The following ARL15 variants were observed in gnomAD, a reference collection of about 807,000 sequenced individuals.
The protein encoded by ARL15 is ADP-ribosylation factor-like protein 15.
A neutral mutation model predicts 25.2 loss-of-function variants in ARL15; 19 were observed. The ratio of observed to expected loss-of-function variants is 0.75; its 90% confidence interval spans 0.53 to 1.10. The LOEUF is 1.10. Ranked by LOEUF, ARL15 falls within the 50% of genes least tolerant of loss-of-function variation. The pLI, the probability that ARL15 is intolerant of heterozygous loss-of-function variation, is 0.00. For synonymous variants in ARL15, 94 were observed against 86.8 expected (o/e 1.08, Z -0.46); for missense variants, 220 against 246.0 (o/e 0.89, Z 0.71).
At chr5:54,184,989 A>G (rs1755195670) in intron 1 of ARL15, among the ~76,000 whole-genome samples, 1 of 152,190 alleles carries the variant, frequency 6.6e-6, no homozygotes, top group Non-Finnish European at 1.5e-5. Context: ...CTGTCAGGAT[A>G]AAGTACAGAC....
intron 2 of ARL15, among the ~76,000 whole-genome samples, chr5:54,164,651 T>C (rs1315613786): frequency 6.6e-6 from 1 of 152,092 alleles, no homozygotes; most frequent in Non-Finnish European, 1.5e-5. Flanking sequence ...GAAATCTACA[T>C]TGTCTAATAT....
At chr5:53,890,539 C>T (rs1177073552) in intron 4 of ARL15, among the ~76,000 whole-genome samples, 6 of 152,174 alleles carry the variant, frequency 3.9e-5, no homozygotes, top group African/African-American at 7.2e-5. Flanking sequence ...CCTTTGGAGA[C>T]GGCACTTGGG....
chr5:54,163,963 AAGGTGGAAGCTG>A (rs2112377867), intron 2 of ARL15, among the ~76,000 whole-genome samples: 1 of 152,014 alleles, frequency 6.6e-6, no homozygotes, highest in South Asian at 2.1e-4. Context: ...CCAGTTCCCT[AAGGTGGAAGCTG>A]AGGTCATTGA....
intron 4 of ARL15, among the ~76,000 whole-genome samples, chr5:54,068,738 T>A (rs897465332): frequency 1.3e-5 from 2 of 152,212 alleles, no homozygotes; most frequent in Non-Finnish European, 2.9e-5. Flanking sequence ...GGTCATGCCA[T>A]CTCAATGTAA....
chr5:53,953,981 A>C (rs1006507498), intron 4 of ARL15, among the ~76,000 whole-genome samples: 7 of 152,104 alleles, frequency 4.6e-5, no homozygotes, highest in African/African-American at 1.2e-4. Flanking sequence ...CATATGGTAT[A>C]AGAATAGCAT....
intron 1 of ARL15, among the ~76,000 whole-genome samples, chr5:54,240,746 C>T (rs1431147891): frequency 6.7e-6 from 1 of 149,890 alleles, no homozygotes; most frequent in Non-Finnish European, 1.5e-5. Flanking sequence ...ATCCCTAATC[C>T]GAAATCCACA....
chr5:54,038,119 A>G (rs1185170645), intron 4 of ARL15, among the ~76,000 whole-genome samples: 1 of 152,182 alleles, frequency 6.6e-6, no homozygotes, highest in Non-Finnish European at 1.5e-5. Context: ...ATAGCAACAT[A>G]TATTTTAATG....
At chr5:53,963,462 A>T (rs562788079) in intron 4 of ARL15, among the ~76,000 whole-genome samples, 17 of 152,292 alleles carry the variant, frequency 1.1e-4, no homozygotes, top group Non-Finnish European at 2.2e-4. Flanking sequence ...TGAATTTCAT[A>T]AAAAATAAAT....
chr5:54,191,045 T>C (rs547648789), intron 1 of ARL15, among the ~76,000 whole-genome samples: 11 of 152,274 alleles, frequency 7.2e-5, no homozygotes, highest in African/African-American at 2.4e-4. Context: ...AGCTAAAGCA[T>C]AGAAGTACCC....
At chr5:54,274,465 T>C (rs183329069) in intron 1 of ARL15, among the ~76,000 whole-genome samples, 3 of 152,226 alleles carry the variant, frequency 2.0e-5, no homozygotes, top group South Asian at 2.1e-4. Flanking sequence ...ACTGTAAAAA[T>C]AGAAATTAGG....
chr5:54,180,970 T>G (rs747560093), intron 1 of ARL15, among the ~76,000 whole-genome samples: 3 of 152,078 alleles, frequency 2.0e-5, no homozygotes, highest in Non-Finnish European at 4.4e-5. Context: ...CCCACGTGGC[T>G]CCCAGTCTGC....
In ARL15 at chr5:54,088,000, C is replaced by T. The variant is rs191939061; in HGVS notation, c.462+25202G>A. 3.6e-3 allele frequency among the ~76,000 whole-genome samples: 548 copies of T among 152,196 alleles called. 7 individuals carry two copies. The highest frequency in any genetic ancestry group is 0.013 in the African/African-American group (524 of 41,514). ...CGGCTCCAAATATTAATAAGCATAA[C>T]CAGGGTACTGTATTTTGGATATTAG... On this transcript the variant is annotated intron_variant, in intron 4 of 4. Coordinates refer to ENST00000504924, the MANE Select transcript of ARL15 (RefSeq NM_019087.3).
intron 4 of ARL15, among the ~76,000 whole-genome samples, chr5:53,959,602 G>A (rs532679909): frequency 4.6e-5 from 7 of 152,118 alleles, no homozygotes; most frequent in African/African-American, 1.2e-4. Flanking sequence ...ACGATACTCT[G>A]CCTCTTTTCC....
At chr5:53,953,321 T>G (rs1169104072) in intron 4 of ARL15, among the ~76,000 whole-genome samples, 1 of 152,186 alleles carries the variant, frequency 6.6e-6, no homozygotes, top group Non-Finnish European at 1.5e-5. Context: ...GTGTCTTGTA[T>G]AAAGCACTAT....
intron 4 of ARL15, among the ~76,000 whole-genome samples, chr5:53,897,371 A>C (rs975952172): frequency 2.6e-5 from 4 of 152,124 alleles, no homozygotes; most frequent in Non-Finnish European, 2.9e-5. Flanking sequence ...AGCTTCTTTC[A>C]CTTAACACAA....
chr5:53,997,474 G>C (rs900752492), intron 4 of ARL15, among the ~76,000 whole-genome samples: 1 of 151,990 alleles, frequency 6.6e-6, no homozygotes, highest in African/African-American at 2.4e-5. Flanking sequence ...ACCACTTCTT[G>C]TTTCACTCTC....
At chr5:53,955,784 C>T (rs1329043275) in intron 4 of ARL15, among the ~76,000 whole-genome samples, 1 of 152,110 alleles carries the variant, frequency 6.6e-6, no homozygotes, top group Non-Finnish European at 1.5e-5. Context: ...GACCCTGGCG[C>T]CTGGTTCTGA....
chr5:54,028,820 C>T (rs960442260), intron 4 of ARL15, among the ~76,000 whole-genome samples: 1 of 152,006 alleles, frequency 6.6e-6, no homozygotes, highest in African/African-American at 2.4e-5. Context: ...AAGATCAGCA[C>T]CATCAACATA....
At chr5:54,033,137 A>T (rs1750045693) in intron 4 of ARL15, among the ~76,000 whole-genome samples, 1 of 150,042 alleles carries the variant, frequency 6.7e-6, no homozygotes, top group Admixed American at 6.7e-5. Flanking sequence ...AACATGGTGA[A>T]ACCCTGTCTC....
Sources: gnomAD v4.1 joint callset for allele counts (sites outside exome capture counted in the v4.1 genomes callset) on GRCh38, gnomAD v4.1.1 for gene constraint, MANE v1.5 for transcripts, NCBI Gene and HGNC (gene_info 2026-07-23, HGNC 2026-07-21) for gene names.